The following TBC1D22A variants were observed in gnomAD, a reference collection of about 807,000 sequenced individuals.
TBC1D22A encodes TBC1 domain family member 22A, also known as putative GTPase activator.
In TBC1D22A, 38 loss-of-function variants were observed where a neutral mutation model predicts 60.2. The ratio of observed to expected loss-of-function variants is 0.63; its 90% CI spans 0.49 to 0.83. The LOEUF is 0.83. Among genes scored for constraint, TBC1D22A ranks in the 40% least tolerant of loss-of-function variants. The pLI is 0.00. For missense variants in TBC1D22A, 628 were observed against 701.0 expected (o/e 0.90, Z 1.18); for synonymous variants, 302 against 281.7 (o/e 1.07, Z -0.72).
At chr22:47,071,956 G>C (rs1276009873) in intron 11 of TBC1D22A, among the ~76,000 whole-genome samples, 1 of 152,170 alleles carries the variant, frequency 6.6e-6, no homozygotes, top group African/African-American at 2.4e-5. Flanking sequence ...TTATATTGCA[G>C]ATAACACACA....
chr22:46,992,532 G>A (rs1410858680), intron 9 of TBC1D22A, among the ~76,000 whole-genome samples: 2 of 152,260 alleles, frequency 1.3e-5, no homozygotes, highest in East Asian at 1.9e-4. Flanking sequence ...TCTAGGCACC[G>A]GCCGGGGACC....
intron 12 of TBC1D22A, among the ~76,000 whole-genome samples, chr22:47,163,808 C>T (rs1055468180): frequency 2.0e-5 from 3 of 152,198 alleles, no homozygotes; most frequent in Non-Finnish European, 2.9e-5. Context: ...ACCACGGGGT[C>T]GTTTCCTCAT....
chr22:47,032,779 C>T (rs1025519597), intron 10 of TBC1D22A, among the ~76,000 whole-genome samples: 1 of 152,226 alleles, frequency 6.6e-6, no homozygotes, highest in Non-Finnish European at 1.5e-5. Flanking sequence ...GCTTCATTCA[C>T]GCCAGTGCAA....
chr22:46,941,639 GA>G lies in TBC1D22A; in HGVS notation c.1015+29453del, dbSNP rs2072111963. ...TATATATACGGAATATATATACGCG[GA>G]ATATATATACGGAATATATATACGC... On this transcript the variant is annotated intron_variant, in intron 8 of 12. Transcript: ENST00000337137. Among the ~76,000 whole-genome samples the G allele has an allele frequency of 1.4e-5, 2 of 146,830 alleles. 1 individual carries two copies. Among genetic ancestry groups the G allele is most frequent in the Non-Finnish European group, 3.0e-5 (2 of 66,986 alleles).
intron 11 of TBC1D22A, among the ~76,000 whole-genome samples, chr22:47,043,456 T>C (rs923311493): frequency 6.6e-6 from 1 of 152,092 alleles, no homozygotes; most frequent in Non-Finnish European, 1.5e-5. Context: ...GGAAAAGCTG[T>C]TGTGGGGACT....
At chr22:47,059,127 C>T (rs550974536) in intron 11 of TBC1D22A, among the ~76,000 whole-genome samples, 2 of 152,366 alleles carry the variant, frequency 1.3e-5, no homozygotes, top group South Asian at 2.1e-4. Flanking sequence ...CAAGGCTCGG[C>T]CAGGGTAGGT....
chr22:46,827,359 A>G (rs1469119465), intron 4 of TBC1D22A, among the ~76,000 whole-genome samples: 1 of 152,122 alleles, frequency 6.6e-6, no homozygotes, highest in African/African-American at 2.4e-5. Flanking sequence ...AACTGTGTTC[A>G]ATGTCCTCTT....
At chr22:47,080,671 G>A (rs1456974920) in intron 11 of TBC1D22A, among the ~76,000 whole-genome samples, 1 of 151,002 alleles carries the variant, frequency 6.6e-6, no homozygotes, top group African/African-American at 2.4e-5. Context: ...CTTAAAATCA[G>A]GAATTTTAGT....
chr22:46,867,248 C>T (rs1230999418), intron 4 of TBC1D22A, among the ~76,000 whole-genome samples: 3 of 152,144 alleles, frequency 2.0e-5, no homozygotes, highest in Admixed American at 6.5e-5. Context: ...ATGTTTAGCA[C>T]GAAGGATGCT....
intron 11 of TBC1D22A, among the ~76,000 whole-genome samples, chr22:47,040,655 G>A (rs9615453): frequency 0.41 from 61,462 of 151,736 alleles, 13,059 homozygotes; most frequent in Middle Eastern, 0.63. Context: ...GATGCAGGGC[G>A]GCGGCTGACT....
intron 8 of TBC1D22A, among the ~76,000 whole-genome samples, chr22:46,952,988 T>G (rs2072997790): frequency 1.3e-5 from 2 of 152,128 alleles, no homozygotes; most frequent in African/African-American, 4.8e-5. Context: ...TGGTGAAGTG[T>G]TTGCTGTAAA....
intron 12 of TBC1D22A, among the ~76,000 whole-genome samples, chr22:47,139,961 A>G (rs908693573): frequency 3.3e-5 from 5 of 152,346 alleles, no homozygotes; most frequent in South Asian, 4.1e-4. Flanking sequence ...TGAAATGTCA[A>G]GCTGTGGTCT....
intron 10 of TBC1D22A, among the ~76,000 whole-genome samples, chr22:47,017,212 G>C (rs1200445088): frequency 6.6e-6 from 1 of 152,230 alleles, no homozygotes; most frequent in African/African-American, 2.4e-5. Flanking sequence ...GAAGAAGGCA[G>C]TAATAGAGTT....
At chr22:47,039,121 A>G (rs2062753630) in intron 11 of TBC1D22A, among the ~76,000 whole-genome samples, 1 of 152,202 alleles carries the variant, frequency 6.6e-6, no homozygotes, top group Non-Finnish European at 1.5e-5. Context: ...CGGCTTGCCC[A>G]TGGTTCTGCA....
intron 4 of TBC1D22A, among the ~76,000 whole-genome samples, chr22:46,837,348 A>G (rs1281267095): frequency 1.3e-5 from 2 of 152,224 alleles, no homozygotes; most frequent in South Asian, 2.1e-4. Flanking sequence ...CCAGACAGAA[A>G]ATCAGTAAGG....
At chr22:46,896,045 A>C (rs780625029) in intron 7 of TBC1D22A, among the ~76,000 whole-genome samples, 22 of 151,550 alleles carry the variant, frequency 1.5e-4, no homozygotes, top group Non-Finnish European at 3.1e-4. Flanking sequence ...ATGCTGTGGG[A>C]CTTCCTGTTT....
intron 11 of TBC1D22A, among the ~76,000 whole-genome samples, chr22:47,041,866 C>T (rs1045643972): frequency 4.6e-5 from 7 of 152,220 alleles, no homozygotes; most frequent in Admixed American, 6.5e-5. Context: ...GGACAGCGGG[C>T]GTGGCCGTGT....
intron 4 of TBC1D22A, among the ~76,000 whole-genome samples, chr22:46,816,717 A>G (rs2085618203): frequency 6.6e-6 from 1 of 151,972 alleles, no homozygotes; most frequent in African/African-American, 2.4e-5. Context: ...TATGCATATT[A>G]TCAATCCCCA....
intron 9 of TBC1D22A, among the ~76,000 whole-genome samples, chr22:46,975,561 G>A (rs941371155): frequency 3.3e-5 from 5 of 152,172 alleles, no homozygotes; most frequent in South Asian, 2.1e-4. Flanking sequence ...GCTCAAAGGG[G>A]GGCCCTCATC....
Sources: allele counts gnomAD v4.1 joint callset (sites outside exome capture counted in the v4.1 genomes callset), GRCh38; gene constraint gnomAD v4.1.1; transcripts MANE v1.5; gene names NCBI Gene and HGNC (gene_info 2026-07-23, HGNC 2026-07-21).